Variants in SLC6A16 observed in about 807,000 individuals in gnomAD.
The protein encoded by SLC6A16 is orphan sodium- and chloride-dependent neurotransmitter transporter NTT5.
SLC6A16 carries 54 observed loss-of-function variants against 65.4 expected under a neutral mutation model. That is an observed-to-expected ratio of 0.83 (90% CI 0.66 to 1.04). SLC6A16 has a LOEUF of 1.04. Among genes scored for constraint, SLC6A16 ranks in the 50% least tolerant of loss-of-function variants. The probability of loss-of-function intolerance (pLI) is 0.00; values close to 1 mark genes in which losing one functional copy is unlikely to be tolerated. For synonymous variants in SLC6A16, 330 were observed against 346.5 expected (o/e 0.95, Z 0.53); for missense variants, 816 against 914.0 (o/e 0.89, Z 1.38).
intron 7 of SLC6A16, 32 bp from the exon 8 acceptor site, chr19:49,294,585 AT>A: frequency 6.4e-7 from 1 of 1,552,124 alleles, no homozygotes; most frequent in Admixed American, 2.0e-5. Context: ...AAATCGAACC[AT>A]TTGGCCCAGT....
chr19:49,309,088 C>A lies in SLC6A16; in HGVS notation c.1017G>T (p.Trp339Cys). Residue 339 changes from tryptophan to cysteine, a missense_variant, in exon 7 of 12, where the codon TGG becomes TGT. Trp to Cys is a radical substitution (Grantham distance 215). Coordinates refer to ENST00000335875, the MANE Select transcript of SLC6A16 (RefSeq NM_014037.3). Reference protein sequence around the residue: ...KISDVYNMSVWSLAGGQVLSN... With the variant: ...KISDVYNMSVCSLAGGQVLSN... Reference sequence around the variant, plus strand: ...ACAAAACTTGACCCCCTGCTAGAGACCACACACTCATATTGTACACATCCG... The same window carrying A: ...ACAAAACTTGACCCCCTGCTAGAGAACACACACTCATATTGTACACATCCG... 1 of 1,614,148 alleles carries A rather than the reference C, an allele frequency of 6.2e-7. No individual in the cohort carries two copies. Among genetic ancestry groups the A allele is most frequent in the Non-Finnish European group, 8.5e-7 (1 of 1,180,028 alleles).
In SLC6A16 at chr19:49,290,734, G is replaced by A. The variant is rs545132384; in HGVS notation, c.1812C>T (p.His604=). 76 of 1,612,984 alleles carry A rather than the reference G, an allele frequency of 4.7e-5. No individual in the cohort carries two copies. In the South Asian group the frequency reaches 6.1e-4, roughly 13 times the overall value. The change falls in exon 11 of 12, where the codon CAC becomes CAT. Residue 604 remains histidine, a synonymous_variant. Coordinates refer to ENST00000335875, the MANE Select transcript of SLC6A16 (RefSeq NM_014037.3). The part of the protein sequence containing the change: ...FLADLTILLG[H]PISPIFGWLW... ...GCCAACCAAAGATGGGAGAGATGGGGTGGCCCAACAGGATCGTCAGGTCTG... is the reference window on the plus strand; with the variant it reads ...GCCAACCAAAGATGGGAGAGATGGGATGGCCCAACAGGATCGTCAGGTCTG...
chr19:49,294,574 C>A, intron 7 of SLC6A16, 21 bp from the exon 8 acceptor site: 1 of 1,569,796 alleles, frequency 6.4e-7, no homozygotes, highest in South Asian at 1.2e-5. Context: ...AGGGTTGAAT[C>A]AAATCGAACC....
upstream of SLC6A16, among the ~76,000 whole-genome samples, chr19:49,327,801 A>G (rs1232008480): frequency 6.6e-6 from 1 of 152,192 alleles, no homozygotes; most frequent in South Asian, 2.1e-4. Flanking sequence ...AGCATAGGGA[A>G]GAACATTCCA....
chr19:49,337,714 T>C, the SLC6A16 span: 45 of 1,533,714 alleles, frequency 2.9e-5, no homozygotes, highest in African/African-American at 6.9e-5. Flanking sequence ...GAGAAAGAAA[T>C]AGACGCCCTG....
the SLC6A16 span, chr19:49,338,161 A>G: frequency 6.9e-7 from 1 of 1,455,362 alleles, no homozygotes; most frequent in Non-Finnish European, 9.0e-7. The surrounding 1 kb of genome is among the most constrained non-coding windows in gnomAD (Gnocchi z 5.0). Context: ...CCCAGGCCCG[A>G]CGCTCCCCAC....
At position 49,292,361 on chromosome 19, in the gene SLC6A16, C is replaced by T. The variant is rs1166589611; in HGVS notation, c.1778+862G>A. The stretch of plus-strand genomic sequence containing the variant: ...CAGCCTGGGCAACAGAGCAAGACTC[C>T]ATCTCAAAAAGAAAGAAAAAAAGAA... On this transcript the variant is annotated intron_variant, in intron 10 of 11. Transcript: ENST00000335875. This position sits in a 1 kb window ranked among gnomAD's most constrained non-coding sequence, Gnocchi z 4.3. Among the ~76,000 whole-genome samples, 1 of 152,056 alleles carries T rather than the reference C, an allele frequency of 6.6e-6. No homozygotes were observed. The highest frequency in any genetic ancestry group is 2.4e-5 in the African/African-American group (1 of 41,388).
chr19:49,300,847 T>C (rs1021949534), intron 7 of SLC6A16, among the ~76,000 whole-genome samples: 1 of 151,708 alleles, frequency 6.6e-6, no homozygotes, highest in African/African-American at 2.4e-5. Flanking sequence ...AGGTCAGGAG[T>C]TCGAGACCAG....
chr19:49,289,777 T>G lies in SLC6A16; in HGVS notation c.*346A>C, dbSNP rs182764325. ...TTACATCCAGTCCTTGGAGTTCCAG[T>G]AGACTGATTTATTCACCAACAGCAT... On this transcript the variant is annotated 3_prime_UTR_variant, in exon 12 of 12. Transcript: ENST00000335875. The G allele has an allele frequency of 7.6e-6, 2 of 264,684 alleles. No individual in the cohort carries two copies. Among genetic ancestry groups the G allele is most frequent in the Non-Finnish European group, 1.4e-5 (2 of 140,202 alleles). 16.4% of individuals were successfully genotyped at this position (264,684 alleles called of 1,614,324 possible).
chr19:49,301,396 A>C (rs910787753), intron 7 of SLC6A16, among the ~76,000 whole-genome samples: 1 of 152,204 alleles, frequency 6.6e-6, no homozygotes, highest in Non-Finnish European at 1.5e-5. Context: ...TGGGGAACCA[A>C]GAAGTGGGAC....
At chr19:49,332,277 C>T in the SLC6A16 span, 1 of 456,602 alleles carries the variant, frequency 2.2e-6, no homozygotes, top group African/African-American at 2.0e-5. Flanking sequence ...CACTTGTCAG[C>T]CGGGTGCGGT....
chr19:49,325,114 C>G lies in SLC6A16; in HGVS notation c.-131G>C. 1.0e-6 allele frequency: 1 copy of G among 985,600 alleles called. No homozygotes were observed. The highest frequency in any genetic ancestry group is 1.2e-6 in the Non-Finnish European group (1 of 830,026). 61.1% of individuals were successfully genotyped at this position (985,600 alleles called of 1,614,324 possible). On this transcript the variant is annotated 5_prime_UTR_variant, in exon 1 of 12. Coordinates refer to ENST00000335875, the MANE Select transcript of SLC6A16 (RefSeq NM_014037.3). The stretch of plus-strand genomic sequence containing the variant: ...TCGGACAAAAATGAGGGTGAAGAAG[C>G]CCCAGCTGAGAAGCCTAGCAATCTC...
chr19:49,321,007 C>T (rs1048201214), intron 1 of SLC6A16, among the ~76,000 whole-genome samples: 1 of 152,114 alleles, frequency 6.6e-6, no homozygotes, highest in East Asian at 1.9e-4. Context: ...CCTCATTCAT[C>T]CTATAAGGCC....
the SLC6A16 span, chr19:49,338,116 C>A: frequency 8.5e-6 from 13 of 1,535,602 alleles, no homozygotes; most frequent in South Asian, 1.2e-5. The surrounding 1 kb of genome is among the most constrained non-coding windows in gnomAD (Gnocchi z 5.0). Flanking sequence ...TGGGCCCGAC[C>A]CCCAGCTCTA....
chr19:49,292,967 A>G lies in SLC6A16; in HGVS notation c.1778+256T>C, dbSNP rs930538985. On this transcript the variant is annotated intron_variant, in intron 10 of 11. Coordinates refer to ENST00000335875, the MANE Select transcript of SLC6A16 (RefSeq NM_014037.3). The surrounding 1 kb of genome is among the most constrained non-coding windows in gnomAD (Gnocchi z 4.3). Reference sequence around the variant, plus strand: ...GGTTATTGTCTCTCTAGACCACTAAAATGTAAGCTTTCTGAGAATAGGAAT... The same window carrying G: ...GGTTATTGTCTCTCTAGACCACTAAGATGTAAGCTTTCTGAGAATAGGAAT... Among the ~76,000 whole-genome samples, 1 of 152,154 alleles carries G rather than the reference A, an allele frequency of 6.6e-6. No homozygotes were observed. The highest frequency in any genetic ancestry group is 6.5e-5 in the Admixed American group (1 of 15,282).
At chr19:49,306,652 C>T (rs981952358) in intron 7 of SLC6A16, among the ~76,000 whole-genome samples, 16 of 151,238 alleles carry the variant, frequency 1.1e-4, no homozygotes, top group Admixed American at 8.6e-4. Context: ...AAGCAATTCT[C>T]CTGCTTTGGC....
Position 49,311,256 on chromosome 19 carries a change from G to A in SLC6A16, c.92C>T (p.Thr31Met), listed in dbSNP as rs770190144. ...VISDSVPGSQ[T>M]WEDKGSLTRS... The stretch of plus-strand genomic sequence containing the variant: ...GGTCAATGAACCCTTGTCTTCCCAC[G>A]TTTGACTTCCTGGGACACTGTCAGA... Residue 31 changes from threonine to methionine, a missense_variant, in exon 2 of 12, where the codon ACG becomes ATG. Thr to Met is a moderately conservative substitution (Grantham distance 81). Coordinates refer to ENST00000335875, the MANE Select transcript of SLC6A16 (RefSeq NM_014037.3). 6 of 1,613,990 alleles carry A rather than the reference G, an allele frequency of 3.7e-6. No individual in the cohort carries two copies. The highest frequency in any genetic ancestry group is 2.2e-5 in the East Asian group (1 of 44,878).
At chr19:49,333,411 T>G in the SLC6A16 span, among the ~76,000 whole-genome samples, 1 of 152,112 alleles carries the variant, frequency 6.6e-6, no homozygotes, top group Non-Finnish European at 1.5e-5. Flanking sequence ...AGGCGGAGGT[T>G]GCAGTCAGCT....
intron 7 of SLC6A16, among the ~76,000 whole-genome samples, chr19:49,298,427 G>T (rs1970224197): frequency 6.6e-6 from 1 of 152,120 alleles, no homozygotes. Context: ...TAAAAAATGG[G>T]CAAAGGACAT....
Sources: gnomAD v4.1 joint callset for allele counts (sites outside exome capture counted in the v4.1 genomes callset) on GRCh38, gnomAD v4.1.1 for gene constraint, Gnocchi (gnomAD v3.1) non-coding constraint, MANE v1.5 for transcripts, NCBI Gene and HGNC (gene_info 2026-07-23, HGNC 2026-07-21) for gene names.